The following KCNA6 variants were observed in gnomAD, a reference collection of about 807,000 sequenced individuals.
KCNA6 encodes human brain potassium channel-2.
A neutral mutation model predicts 29.5 loss-of-function variants in KCNA6; 17 were observed. The ratio of observed to expected loss-of-function variants is 0.58; its 90% CI spans 0.39 to 0.86. KCNA6 has a LOEUF of 0.86. Ranked by LOEUF, KCNA6 falls within the 40% of genes least tolerant of loss-of-function variation. The pLI, the probability that KCNA6 is intolerant of heterozygous loss-of-function variation, is 0.00. For synonymous variants in KCNA6, 296 were observed against 304.7 expected (o/e 0.97, Z 0.30); for missense variants, 450 against 703.4 (o/e 0.64, Z 4.07).
chr12:4,815,431 A>C (rs1472433974), downstream of KCNA6, among the ~76,000 whole-genome samples: 3 of 152,156 alleles, frequency 2.0e-5, no homozygotes, highest in African/African-American at 7.2e-5. Context: ...TGCAAGCATA[A>C]ATGAGAGAAG....
the KCNA6 span, among the ~76,000 whole-genome samples, chr12:4,827,344 C>G: frequency 6.6e-6 from 1 of 151,564 alleles, no homozygotes; most frequent in Non-Finnish European, 1.5e-5. Flanking sequence ...ATTCCAGATC[C>G]TTCTTTATTT....
At chr12:4,823,262 A>T in the KCNA6 span, among the ~76,000 whole-genome samples, 5 of 152,150 alleles carry the variant, frequency 3.3e-5, no homozygotes, top group African/African-American at 1.2e-4. Context: ...GTTAAAAGAG[A>T]GCATGTAGTC....
At chr12:4,828,342 A>T in the KCNA6 span, among the ~76,000 whole-genome samples, 1 of 152,238 alleles carries the variant, frequency 6.6e-6, no homozygotes, top group Non-Finnish European at 1.5e-5. Context: ...TTTCTCATGC[A>T]ATTACTACAT....
At chr12:4,846,965 T>C in the KCNA6 span, among the ~76,000 whole-genome samples, 1 of 151,168 alleles carries the variant, frequency 6.6e-6, no homozygotes, top group East Asian at 1.9e-4. Context: ...TTTTAATTTT[T>C]AGTAGAGACG....
At chr12:4,849,720 T>C in the KCNA6 span, among the ~76,000 whole-genome samples, 1 of 152,180 alleles carries the variant, frequency 6.6e-6, no homozygotes, top group East Asian at 1.9e-4. Flanking sequence ...CCCAAATGAT[T>C]TAAATTACAA....
chr12:4,818,727 G>A, the KCNA6 span, among the ~76,000 whole-genome samples: 2 of 152,106 alleles, frequency 1.3e-5, no homozygotes, highest in East Asian at 1.9e-4. Flanking sequence ...CAAGAAGAAT[G>A]AAGCCATAGC....
chr12:4,833,933 T>A, the KCNA6 span, among the ~76,000 whole-genome samples: 36,276 of 128,564 alleles, frequency 0.28, 4,619 homozygotes, highest in Middle Eastern at 0.38. Context: ...TAAATTAAAT[T>A]TTTTTTTTTT....
chr12:4,828,434 A>T, the KCNA6 span, among the ~76,000 whole-genome samples: 2 of 152,232 alleles, frequency 1.3e-5, no homozygotes, highest in Non-Finnish European at 2.9e-5. Context: ...CGGTGCTACA[A>T]CGAACACTTG....
the KCNA6 span, among the ~76,000 whole-genome samples, chr12:4,819,767 C>T: frequency 6.6e-6 from 1 of 152,212 alleles, no homozygotes; most frequent in African/African-American, 2.4e-5. Context: ...GCTGGCTTGC[C>T]TGCCATGGGA....
rs771395200 is a variant in KCNA6 at position 4,810,188 on chromosome 12, G to T, written c.147G>T (p.Gly49=). The T allele has an allele frequency of 2.1e-5, 34 of 1,612,766 alleles. No homozygotes were observed. In the Admixed American group the frequency reaches 5.5e-4, roughly 26 times the overall value. Residue 49 remains glycine (G), a synonymous_variant, in exon 1 of 1, where the codon GGG becomes GGT. Transcript: ENST00000280684. This position sits in a 1 kb window ranked among gnomAD's most constrained non-coding sequence, Gnocchi z 7.5. ...AGCGGCTGGTGATCAATATCTCCGG[G>T]CTGCGCTTTGAGACACAATTGCGCA...
the KCNA6 span, among the ~76,000 whole-genome samples, chr12:4,822,389 A>G: frequency 6.6e-6 from 1 of 152,160 alleles, no homozygotes; most frequent in Non-Finnish European, 1.5e-5. Flanking sequence ...AGCAGGTCAG[A>G]TGGAGATGTG....
the KCNA6 span, among the ~76,000 whole-genome samples, chr12:4,840,911 C>T: frequency 2.0e-5 from 3 of 152,158 alleles, no homozygotes; most frequent in Non-Finnish European, 2.9e-5. Flanking sequence ...TAGGACTCCC[C>T]GTGTTGATTG....
the KCNA6 span, among the ~76,000 whole-genome samples, chr12:4,830,549 C>A: frequency 0.35 from 53,777 of 152,190 alleles, 9,831 homozygotes; most frequent in East Asian, 0.59. Flanking sequence ...AAACAGAACC[C>A]GGTAACGGCA....
the KCNA6 span, among the ~76,000 whole-genome samples, chr12:4,842,986 G>A: frequency 6.6e-6 from 1 of 152,244 alleles, no homozygotes; most frequent in South Asian, 2.1e-4. Context: ...GGGGTTGAGA[G>A]CTTTGGGAAG....
At chr12:4,823,719 A>G in the KCNA6 span, among the ~76,000 whole-genome samples, 55 of 152,312 alleles carry the variant, frequency 3.6e-4, no homozygotes, top group South Asian at 2.7e-3. Context: ...GTGAGCTGAG[A>G]CTGCGCCACT....
At chr12:4,847,202 G>A in the KCNA6 span, among the ~76,000 whole-genome samples, 1 of 152,018 alleles carries the variant, frequency 6.6e-6, no homozygotes, top group Non-Finnish European at 1.5e-5. Context: ...AGTTTCTAAT[G>A]ATGCTTTTGG....
chr12:4,836,640 G>T, the KCNA6 span, among the ~76,000 whole-genome samples: 2 of 152,198 alleles, frequency 1.3e-5, no homozygotes, highest in East Asian at 1.9e-4. Flanking sequence ...ATTGCGAAGA[G>T]TCATGAAGCT....
the KCNA6 span, among the ~76,000 whole-genome samples, chr12:4,848,505 A>G: frequency 1.0e-5 from 1 of 95,622 alleles, no homozygotes; most frequent in African/African-American, 4.3e-5. Flanking sequence ...GTAGGGTTTC[A>G]GGAGGGAGCA....
chr12:4,810,056 A>G lies in KCNA6; in HGVS notation c.15A>G (p.Lys5=), dbSNP rs1946607333. Reference sequence around the variant, plus strand: ...TCCGAGGGGGCATGAGATCGGAGAAATCCCTTACGCTGGCGGCGCCGGGGG... The same window carrying G: ...TCCGAGGGGGCATGAGATCGGAGAAGTCCCTTACGCTGGCGGCGCCGGGGG... The change falls in exon 1 of 1, where the codon AAA becomes AAG. Residue 5 remains lysine, a synonymous_variant. Transcript: ENST00000280684. This position sits in a 1 kb window ranked among gnomAD's most constrained non-coding sequence, Gnocchi z 7.5. 1.3e-6 allele frequency: 2 copies of G among 1,537,850 alleles called. No homozygotes were observed. Among genetic ancestry groups the G allele is most frequent in the Non-Finnish European group, 1.7e-6 (2 of 1,145,576 alleles).
Sources: gnomAD v4.1 joint callset for allele counts (sites outside exome capture counted in the v4.1 genomes callset) on GRCh38, gnomAD v4.1.1 for gene constraint, Gnocchi (gnomAD v3.1) non-coding constraint, MANE v1.5 for transcripts, NCBI Gene and HGNC (gene_info 2026-07-23, HGNC 2026-07-21) for gene names.